DNAJC6: variants seen among roughly 807,000 people sequenced by gnomAD.
DNAJC6 encodes auxilin.
A neutral mutation model predicts 110.0 loss-of-function variants in DNAJC6; 34 were observed. The observed-to-expected ratio is 0.31, with a 90% CI of 0.24 to 0.41. The LOEUF (loss-of-function observed/expected upper bound fraction) is 0.41, where lower values mean the gene tolerates loss of function less well. Among genes scored for constraint, DNAJC6 ranks in the 10% least tolerant of loss-of-function variants. DNAJC6 has a pLI of 1.00. For synonymous variants in DNAJC6, 406 were observed against 437.2 expected (o/e 0.93, Z 0.89); for missense variants, 1,031 against 1,207.8 (o/e 0.85, Z 2.17).
intron 1 of DNAJC6, among the ~76,000 whole-genome samples, chr1:65,339,580 A>G (rs955750594): frequency 1.3e-5 from 2 of 152,206 alleles, no homozygotes; most frequent in African/African-American, 4.8e-5. Flanking sequence ...TTAGAATACT[A>G]CTACTACCAC....
intron 1 of DNAJC6, among the ~76,000 whole-genome samples, chr1:65,293,608 T>C (rs932679622): frequency 3.9e-5 from 6 of 152,118 alleles, no homozygotes; most frequent in Non-Finnish European, 5.9e-5. Flanking sequence ...TAATATTGCA[T>C]TGTGATATGG....
intron 1 of DNAJC6, among the ~76,000 whole-genome samples, chr1:65,297,892 T>G (rs1346187805): frequency 6.6e-6 from 1 of 152,042 alleles, no homozygotes; most frequent in Non-Finnish European, 1.5e-5. Flanking sequence ...CCACCCAGAC[T>G]GGTAATCTGG....
rs55664317 is a variant in DNAJC6, at chr1:65,345,852, C to T, written c.194-18783C>T. Reference sequence around the variant, plus strand: ...ACCCCTCCCATTGACTTTACTTTTGCTCAGTGTTTGGTTTTTCCACAAGGG... The same window carrying T: ...ACCCCTCCCATTGACTTTACTTTTGTTCAGTGTTTGGTTTTTCCACAAGGG... On this transcript the variant is annotated intron_variant, in intron 1 of 18. Transcript: ENST00000371069. The T allele has an allele frequency of 9.1e-3, 1,676 of 184,760 alleles. 32 individuals carry two copies. Among genetic ancestry groups the T allele is most frequent in the African/African-American group, 0.036 (1,527 of 42,082 alleles). 11.4% of individuals were successfully genotyped at this position (184,760 alleles called of 1,614,324 possible).
chr1:65,400,162 AGAGT>A (rs1328946226), intron 14 of DNAJC6, among the ~76,000 whole-genome samples: 1 of 152,210 alleles, frequency 6.6e-6, no homozygotes, highest in African/African-American at 2.4e-5. Flanking sequence ...CCTCGGTGAC[AGAGT>A]GAGAAACCTG....
At chr1:65,301,516 T>G (rs1481923752) in intron 1 of DNAJC6, among the ~76,000 whole-genome samples, 1 of 152,172 alleles carries the variant, frequency 6.6e-6, no homozygotes, top group Non-Finnish European at 1.5e-5. Flanking sequence ...ATCGACCAGA[T>G]TCAAGTTTGG....
Position 65,356,402 on chromosome 1 carries a change from T to C in DNAJC6, c.194-8233T>C, listed in dbSNP as rs544799259. On this transcript the variant is annotated intron_variant, in intron 1 of 18. Transcript: ENST00000371069. ...GCCTGGGAAACATGGTGAAACCCTG[T>C]CTCTACAAAAAATTAACTGGGTGTG... 8.6e-5 allele frequency among the ~76,000 whole-genome samples: 13 copies of C among 151,854 alleles called. No homozygotes were observed. In the South Asian group the frequency reaches 2.7e-3, roughly 32 times the overall value.
chr1:65,271,119 A>G (rs1382833649), intron 1 of DNAJC6, among the ~76,000 whole-genome samples: 1 of 150,372 alleles, frequency 6.7e-6, no homozygotes, highest in African/African-American at 2.4e-5. Context: ...TTATTTTTTC[A>G]TTTTTATTTT....
At chr1:65,295,179 AG>A in intron 1 of DNAJC6, among the ~76,000 whole-genome samples, 1 of 152,224 alleles carries the variant, frequency 6.6e-6, no homozygotes, top group East Asian at 1.9e-4. Context: ...AAATTGAAAA[AG>A]GGGGATCTTG....
chr1:65,332,029 A>T (rs1645293405), intron 1 of DNAJC6, among the ~76,000 whole-genome samples: 1 of 152,154 alleles, frequency 6.6e-6, no homozygotes, highest in Non-Finnish European at 1.5e-5. Context: ...GTCTCTCAGC[A>T]TGTCCTGGGA....
chr1:65,389,828 T>C (rs1645908707), intron 11 of DNAJC6, among the ~76,000 whole-genome samples: 2 of 152,092 alleles, frequency 1.3e-5, no homozygotes, highest in African/African-American at 4.8e-5. Context: ...TCAGGCAATA[T>C]AGTGAGACCC....
chr1:65,380,483 C>T (rs575855862), intron 5 of DNAJC6, among the ~76,000 whole-genome samples: 2 of 152,292 alleles, frequency 1.3e-5, no homozygotes, highest in Admixed American at 6.5e-5. Context: ...TCTCCAAACT[C>T]TTGGCAATAA....
At chr1:65,399,219 G>A (rs1462061616) in intron 14 of DNAJC6, among the ~76,000 whole-genome samples, 1 of 152,062 alleles carries the variant, frequency 6.6e-6, no homozygotes, top group African/African-American at 2.4e-5. Context: ...CTGAACAATG[G>A]GGATAATAAT....
chr1:65,400,102 C>G (rs1646016467), intron 14 of DNAJC6, among the ~76,000 whole-genome samples: 1 of 152,008 alleles, frequency 6.6e-6, no homozygotes. Context: ...ATTACTTAGG[C>G]CCAGGAGGTT....
intron 4 of DNAJC6, among the ~76,000 whole-genome samples, chr1:65,377,093 C>T (rs1457265058): frequency 6.6e-6 from 1 of 152,114 alleles, no homozygotes; most frequent in Non-Finnish European, 1.5e-5. Flanking sequence ...TGTACAGACT[C>T]GTTTTGTGGA....
At chr1:65,319,844 C>G (rs796069793) in intron 1 of DNAJC6, among the ~76,000 whole-genome samples, 31 of 152,154 alleles carry the variant, frequency 2.0e-4, no homozygotes, top group African/African-American at 7.2e-4. Context: ...TTCTCTTTCT[C>G]TTTCCCACCC....
Position 65,332,312 on chromosome 1 carries a change from C to T in DNAJC6, c.193+22374C>T, listed in dbSNP as rs183794872. Among the ~76,000 whole-genome samples the T allele has an allele frequency of 8.5e-4, 129 of 152,098 alleles. 1 individual carries two copies. The highest frequency in any genetic ancestry group is 1.8e-3 in the Admixed American group (27 of 15,278). Reference sequence around the variant, plus strand: ...AACCTTGATATTTAAGAATAACAAACGTTTGGTGAATTGGGTGGTGGGGCA... The same window carrying T: ...AACCTTGATATTTAAGAATAACAAATGTTTGGTGAATTGGGTGGTGGGGCA... On this transcript the variant is annotated intron_variant, in intron 1 of 18. Transcript: ENST00000371069.
At chr1:65,265,813 C>T (rs1653299928) in intron 1 of DNAJC6, among the ~76,000 whole-genome samples, 1 of 152,166 alleles carries the variant, frequency 6.6e-6, no homozygotes, top group South Asian at 2.1e-4. Flanking sequence ...GCCCGCGTGC[C>T]CAGGAAGGGC....
chr1:65,355,850 G>A (rs1645537678), intron 1 of DNAJC6, among the ~76,000 whole-genome samples: 1 of 149,042 alleles, frequency 6.7e-6, no homozygotes, highest in Admixed American at 6.7e-5. Flanking sequence ...TCTCCAGTCT[G>A]GCTTTGTTAA....
intron 1 of DNAJC6, among the ~76,000 whole-genome samples, chr1:65,318,369 A>T (rs1394135298): frequency 6.6e-6 from 1 of 152,200 alleles, no homozygotes; most frequent in African/African-American, 2.4e-5. Context: ...GGCCTACAAA[A>T]GTCATACTGC....
Sources: allele counts gnomAD v4.1 joint callset (sites outside exome capture counted in the v4.1 genomes callset), GRCh38; gene constraint gnomAD v4.1.1; transcripts MANE v1.5; gene names NCBI Gene and HGNC (gene_info 2026-07-23, HGNC 2026-07-21).